Variants in ETS1 observed in about 807,000 individuals in gnomAD.
ETS1 encodes protein C-ets-1.
ETS1 carries 15 observed loss-of-function variants against 58.6 expected under a neutral mutation model. The observed-to-expected ratio is 0.26, with a 90% CI of 0.17 to 0.39. The LOEUF (loss-of-function observed/expected upper bound fraction) is 0.39, where lower values mean the gene tolerates loss of function less well. Among genes scored for constraint, ETS1 ranks in the 10% least tolerant of loss-of-function variants. The pLI is 1.00. For missense variants in ETS1, 417 were observed against 610.5 expected (o/e 0.68, Z 3.34); for synonymous variants, 214 against 218.2 (o/e 0.98, Z 0.17).
In ETS1 at chr11:128,545,002, C is replaced by G. The variant is rs569945143; in HGVS notation, c.214+11289G>C. Reference sequence around the variant, plus strand: ...CTTGCTCAGTGACTCTGTCTGCTCACGGAGCTGGCTGGTTGGGGGTGGGGG... The same window carrying G: ...CTTGCTCAGTGACTCTGTCTGCTCAGGGAGCTGGCTGGTTGGGGGTGGGGG... On this transcript the variant is annotated intron_variant, in intron 3 of 9. Coordinates refer to ENST00000392668, the MANE Select transcript of ETS1 (RefSeq NM_001143820.2). 6.6e-5 allele frequency among the ~76,000 whole-genome samples: 8 copies of G among 121,256 alleles called. No homozygotes were observed. The South Asian group carries it at 2.5e-3, about 37-fold the overall frequency. 79.5% of individuals were successfully genotyped at this position (121,256 alleles called of 152,430 possible).
At chr11:128,578,148 A>G (rs917682427) in intron 1 of ETS1, among the ~76,000 whole-genome samples, 1 of 152,146 alleles carries the variant, frequency 6.6e-6, no homozygotes, top group African/African-American at 2.4e-5. Context: ...CACCCTCCCC[A>G]AACTGGCAAC....
intron 2 of ETS1, among the ~76,000 whole-genome samples, chr11:128,568,814 A>G (rs1864561379): frequency 6.6e-6 from 1 of 152,224 alleles, no homozygotes; most frequent in African/African-American, 2.4e-5. Context: ...GGACTCCGAG[A>G]CTTAGCTATC....
At chr11:128,550,507 C>A (rs1223375668) in intron 3 of ETS1, among the ~76,000 whole-genome samples, 1 of 152,160 alleles carries the variant, frequency 6.6e-6, no homozygotes, top group Non-Finnish European at 1.5e-5. Context: ...CTCTCCCTAG[C>A]GGACTGCTTG....
chr11:128,535,201 T>C (rs1370292746), intron 3 of ETS1, among the ~76,000 whole-genome samples: 1 of 152,272 alleles, frequency 6.6e-6, no homozygotes, highest in Non-Finnish European at 1.5e-5. Context: ...TTATGTCATA[T>C]GTTTGTTGGA....
intron 8 of ETS1, among the ~76,000 whole-genome samples, chr11:128,471,082 T>G (rs34658647): frequency 0.16 from 25,030 of 152,240 alleles, 2,718 homozygotes; most frequent in Non-Finnish European, 0.22. Flanking sequence ...CACCTAAGTA[T>G]TGTATAGAGC....
At chr11:128,554,752 C>A (rs778704322) in intron 3 of ETS1, among the ~76,000 whole-genome samples, 14 of 151,342 alleles carry the variant, frequency 9.3e-5, no homozygotes, top group Non-Finnish European at 1.9e-4. Flanking sequence ...CAGCTTTAAT[C>A]TCAGTTGCAT....
chr11:128,586,038 T>G (rs1865024939), intron 1 of ETS1, among the ~76,000 whole-genome samples: 1 of 152,118 alleles, frequency 6.6e-6, no homozygotes, highest in African/African-American at 2.4e-5. Flanking sequence ...AGCCAGCAAC[T>G]AGCACCTCCG....
At chr11:128,523,328 C>G (rs953951518) in intron 3 of ETS1, among the ~76,000 whole-genome samples, 4 of 152,156 alleles carry the variant, frequency 2.6e-5, no homozygotes, top group African/African-American at 9.7e-5. Flanking sequence ...TCATGGTTTG[C>G]CACTAATACA....
chr11:128,587,232 T>C (rs1865049474), intron 1 of ETS1, among the ~76,000 whole-genome samples: 1 of 151,590 alleles, frequency 6.6e-6, no homozygotes, highest in South Asian at 2.1e-4. Context: ...AAAACGTGCA[T>C]GGTTTTACTT....
At chr11:128,565,057 T>TAAATAAATAAATAAAC (rs780094990) in intron 2 of ETS1, among the ~76,000 whole-genome samples, 2 of 145,776 alleles carry the variant, frequency 1.4e-5, no homozygotes, top group South Asian at 4.3e-4. Context: ...AATAAATAAA[T>TAAATAAATAAATAAAC]AAAATAAATG....
At chr11:128,578,660 T>A (rs1864801285) in intron 1 of ETS1, among the ~76,000 whole-genome samples, 1 of 152,190 alleles carries the variant, frequency 6.6e-6, no homozygotes, top group African/African-American at 2.4e-5. Flanking sequence ...TTAATCTATC[T>A]AAACGAACAT....
chr11:128,582,535 A>G (rs1591680849), intron 1 of ETS1, among the ~76,000 whole-genome samples: 1 of 152,284 alleles, frequency 6.6e-6, no homozygotes, highest in East Asian at 1.9e-4. Context: ...ACTGCCCAAC[A>G]TGGCAGAGGT....
chr11:128,504,983 T>C (rs1863191509), intron 3 of ETS1: 2 of 152,242 alleles, frequency 1.3e-5, no homozygotes, highest in African/African-American at 2.4e-5. Flanking sequence ...AAGATCCTTG[T>C]TGCATACCAG....
chr11:128,512,390 T>C (rs1266489211), intron 3 of ETS1, among the ~76,000 whole-genome samples: 1 of 152,108 alleles, frequency 6.6e-6, no homozygotes, highest in Non-Finnish European at 1.5e-5. Flanking sequence ...TTTTCCTTGT[T>C]TTTCCCCCAA....
chr11:128,587,170 CAAAA>C (rs5795624), intron 1 of ETS1, among the ~76,000 whole-genome samples: 9 of 139,274 alleles, frequency 6.5e-5, no homozygotes, highest in Non-Finnish European at 7.8e-5. Context: ...CTCCAATTTG[CAAAA>C]AAAAAAAAAA....
intron 3 of ETS1, chr11:128,527,094 T>C (rs984282589): frequency 1.3e-5 from 5 of 379,332 alleles, no homozygotes; most frequent in Admixed American, 6.8e-5. Context: ...TGGGAGTAGA[T>C]AGATGAGCAG....
chr11:128,533,418 A>G (rs1420589420), intron 3 of ETS1, among the ~76,000 whole-genome samples: 3 of 152,154 alleles, frequency 2.0e-5, no homozygotes, highest in South Asian at 4.1e-4. Flanking sequence ...ACTCCCTTAG[A>G]TACTCCTCAC....
chr11:128,560,863 G>A (rs992200981), intron 2 of ETS1, among the ~76,000 whole-genome samples: 4 of 152,098 alleles, frequency 2.6e-5, no homozygotes, highest in Non-Finnish European at 5.9e-5. Flanking sequence ...AGGGGGAGGG[G>A]AATAGCAGCA....
intron 7 of ETS1, among the ~76,000 whole-genome samples, chr11:128,481,370 A>C (rs915525200): frequency 2.0e-5 from 3 of 152,236 alleles, no homozygotes; most frequent in South Asian, 4.2e-4. Flanking sequence ...ATGATTGCAC[A>C]ATAGCTCCTG....
Sources: gnomAD v4.1 joint callset for allele counts (sites outside exome capture counted in the v4.1 genomes callset) on GRCh38, gnomAD v4.1.1 for gene constraint, MANE v1.5 for transcripts, NCBI Gene and HGNC (gene_info 2026-07-23, HGNC 2026-07-21) for gene names.